Variants in FOXO1 observed in about 807,000 individuals in gnomAD.
FOXO1 encodes forkhead box O1.
A neutral mutation model predicts 44.1 loss-of-function variants in FOXO1; 6 were observed. The observed-to-expected ratio is 0.14, with a 90% CI of 0.07 to 0.27. The LOEUF is 0.27. FOXO1 is among the 10% of genes least tolerant of loss of function. The probability of loss-of-function intolerance (pLI) is 1.00; values close to 1 mark genes in which losing one functional copy is unlikely to be tolerated. For synonymous variants in FOXO1, 380 were observed against 362.7 expected (o/e 1.05, Z -0.54); for missense variants, 737 against 888.8 (o/e 0.83, Z 2.17).
chr13:40,561,148 C>A (rs541142344), intron 1 of FOXO1, among the ~76,000 whole-genome samples: 242 of 152,166 alleles, frequency 1.6e-3, no homozygotes, highest in African/African-American at 5.7e-3. Flanking sequence ...ATCAGGAGAT[C>A]AAGAGCATCC....
At position 40,600,486 on chromosome 13, in the gene FOXO1, A is replaced by G. The variant is rs139293062; in HGVS notation, c.631-39626T>C. On this transcript the variant is annotated intron_variant, in intron 1 of 2. Transcript: ENST00000379561. ...ATCAAAGACTGTAGCATTAGCAACAATTCCTGCCAATTAGGCATCCAAAAT... is the reference window on the plus strand; with the variant it reads ...ATCAAAGACTGTAGCATTAGCAACAGTTCCTGCCAATTAGGCATCCAAAAT... 7.9e-4 allele frequency among the ~76,000 whole-genome samples: 120 copies of G among 152,194 alleles called. 1 individual carries two copies. The highest frequency in any genetic ancestry group is 2.5e-3 in the African/African-American group (105 of 41,524).
At chr13:40,578,904 GCTT>G (rs1465787979) in intron 1 of FOXO1, among the ~76,000 whole-genome samples, 3 of 152,108 alleles carry the variant, frequency 2.0e-5, no homozygotes, top group African/African-American at 7.2e-5. Flanking sequence ...CTTTGCCCGC[GCTT>G]CTTGACAGAC....
rs193132822 is a variant in FOXO1 at position 40,556,427 on chromosome 13, C to T, written c.*2622G>A. On this transcript the variant is annotated 3_prime_UTR_variant, in exon 3 of 3. Coordinates refer to ENST00000379561, the MANE Select transcript of FOXO1 (RefSeq NM_002015.4). ...AAAATATCTGAATAGCTCTATAATA[C>T]AATATGCTTTTAATAACAGTACAAA... 6.5e-6 allele frequency: 1 copy of T among 152,690 alleles called. No homozygotes were observed. Among genetic ancestry groups the T allele is most frequent in the African/African-American group, 2.4e-5 (1 of 41,552 alleles). The allele number at this position is 152,690 out of a possible 1,614,324, so 9.5% of individuals were successfully genotyped here.
rs372555865 is a variant in FOXO1, at chr13:40,644,669, A to G, written c.630+20914T>C. ...TACAATTCCCGGTTTGATTGGGTCA[A>G]ACCTCTAAACTCTCAACATATAAAA... On this transcript the variant is annotated intron_variant, in intron 1 of 2. Transcript: ENST00000379561. Among the ~76,000 whole-genome samples, 4 of 152,278 alleles carry G rather than the reference A, an allele frequency of 2.6e-5. No homozygotes were observed. The South Asian group carries it at 8.3e-4, about 32-fold the overall frequency.
At chr13:40,637,829 G>A (rs148480379) in intron 1 of FOXO1, among the ~76,000 whole-genome samples, 166 of 152,276 alleles carry the variant, frequency 1.1e-3, no homozygotes, top group Non-Finnish European at 1.7e-3. Context: ...AAGCACTTAC[G>A]CACTCTACTA....
At chr13:40,657,971 T>G (rs1877909458) in intron 1 of FOXO1, among the ~76,000 whole-genome samples, 2 of 152,186 alleles carry the variant, frequency 1.3e-5, no homozygotes, top group African/African-American at 4.8e-5. Flanking sequence ...AAAAGACCCA[T>G]GTATCAAGAA....
intron 1 of FOXO1, among the ~76,000 whole-genome samples, chr13:40,576,097 C>G (rs1874731296): frequency 6.6e-6 from 1 of 152,186 alleles, no homozygotes; most frequent in South Asian, 2.1e-4. Flanking sequence ...TACTTACTGA[C>G]CACTGTGCAG....
In FOXO1 at chr13:40,643,783, A is replaced by C. The variant is rs374547306; in HGVS notation, c.630+21800T>G. ...CAGAATCTCAGGTGTGCTAAGCTTT[A>C]AGTCCAAGTATTTTGGCTAATGCTA... On this transcript the variant is annotated intron_variant, in intron 1 of 2. Coordinates refer to ENST00000379561, the MANE Select transcript of FOXO1 (RefSeq NM_002015.4). Among the ~76,000 whole-genome samples the C allele has an allele frequency of 3.7e-4, 56 of 152,256 alleles. 1 individual carries two copies. In the South Asian group the frequency reaches 8.5e-3, roughly 23 times the overall value.
At chr13:40,634,466 T>C (rs1305210376) in intron 1 of FOXO1, among the ~76,000 whole-genome samples, 4 of 152,120 alleles carry the variant, frequency 2.6e-5, no homozygotes, top group African/African-American at 4.8e-5. Flanking sequence ...CCAAGTGTAT[T>C]AGTAAGAAAA....
At chr13:40,588,218 C>T (rs1019440313) in intron 1 of FOXO1, among the ~76,000 whole-genome samples, 2 of 152,166 alleles carry the variant, frequency 1.3e-5, no homozygotes, top group African/African-American at 2.4e-5. Flanking sequence ...TCCTCTCCAA[C>T]AATCAAGGTG....
chr13:40,614,511 A>C (rs1157674052), intron 1 of FOXO1, among the ~76,000 whole-genome samples: 1 of 152,180 alleles, frequency 6.6e-6, no homozygotes, highest in Non-Finnish European at 1.5e-5. Context: ...AAAGAGGAAA[A>C]CTAAGGAACT....
intron 1 of FOXO1, among the ~76,000 whole-genome samples, chr13:40,587,778 A>ATGAGACATTAATTATGAAG (rs1566068470): frequency 6.6e-6 from 1 of 152,202 alleles, no homozygotes. Flanking sequence ...TCTTCACTTA[A>ATGAGACATTAATTATGAAG]TGAGACATTA....
chr13:40,618,086 T>G (rs895866090), intron 1 of FOXO1, among the ~76,000 whole-genome samples: 3 of 152,212 alleles, frequency 2.0e-5, no homozygotes, highest in African/African-American at 7.2e-5. Context: ...ACTTTTTATT[T>G]TTTTTTGGTG....
chr13:40,562,848 A>C (rs1430816363), intron 1 of FOXO1: 1 of 152,582 alleles, frequency 6.6e-6, no homozygotes, highest in Non-Finnish European at 1.5e-5. Flanking sequence ...GGACACGTGG[A>C]AAAGGAGACG....
chr13:40,592,514 A>G (rs970398640), intron 1 of FOXO1, among the ~76,000 whole-genome samples: 1 of 152,216 alleles, frequency 6.6e-6, no homozygotes, highest in African/African-American at 2.4e-5. Context: ...GGGTGCCCTG[A>G]TTACTACATT....
intron 1 of FOXO1, among the ~76,000 whole-genome samples, chr13:40,582,249 A>T (rs1361849514): frequency 6.6e-6 from 1 of 152,276 alleles, no homozygotes; most frequent in African/African-American, 2.4e-5. Flanking sequence ...CATCTTAATT[A>T]AAAACTTTTA....
chr13:40,613,528 C>A (rs910834134), intron 1 of FOXO1, among the ~76,000 whole-genome samples: 2 of 152,124 alleles, frequency 1.3e-5, no homozygotes, highest in African/African-American at 4.8e-5. Flanking sequence ...CAGCTCCGGT[C>A]CCCATCTGCA....
intron 1 of FOXO1, among the ~76,000 whole-genome samples, chr13:40,564,559 GT>G (rs1400958354): frequency 6.6e-6 from 1 of 152,190 alleles, no homozygotes; most frequent in African/African-American, 2.4e-5. Flanking sequence ...TATTAACGAC[GT>G]TGTGTCTGCA....
At chr13:40,562,809 G>C in intron 1 of FOXO1, 1 of 152,366 alleles carries the variant, frequency 6.6e-6, no homozygotes, top group East Asian at 1.9e-4. Context: ...CTACAACACA[G>C]AGTAAGATGG....
Sources: allele counts gnomAD v4.1 joint callset (sites outside exome capture counted in the v4.1 genomes callset), GRCh38; gene constraint gnomAD v4.1.1; transcripts MANE v1.5; gene names NCBI Gene and HGNC (gene_info 2026-07-23, HGNC 2026-07-21).